PLXNA2: variants seen among roughly 807,000 people sequenced by gnomAD.
PLXNA2 encodes the protein plexin A2.
PLXNA2 carries 91 observed loss-of-function variants against 193.5 expected under a neutral mutation model. That is an observed-to-expected ratio of 0.47 (90% CI 0.40 to 0.56). The LOEUF is 0.56. Among genes scored for constraint, PLXNA2 ranks in the 20% least tolerant of loss-of-function variants. The pLI is 0.00. For synonymous variants in PLXNA2, 997 were observed against 1,027.3 expected (o/e 0.97, Z 0.56); for missense variants, 1,995 against 2,503.2 (o/e 0.80, Z 4.33).
chr1:208,063,298 T>G (rs1665675905), intron 12 of PLXNA2, among the ~76,000 whole-genome samples: 1 of 152,226 alleles, frequency 6.6e-6, no homozygotes, highest in South Asian at 2.1e-4. Context: ...ACGGGGTAGC[T>G]TCCTCCTGCT....
chr1:208,156,352 A>G (rs1668942042), intron 3 of PLXNA2, among the ~76,000 whole-genome samples: 1 of 152,160 alleles, frequency 6.6e-6, no homozygotes, highest in African/African-American at 2.4e-5. Context: ...CCTATTTAAC[A>G]ATCCTAGAAT....
chr1:208,190,333 T>G (rs765920475), intron 3 of PLXNA2, among the ~76,000 whole-genome samples: 10 of 152,366 alleles, frequency 6.6e-5, no homozygotes, highest in Non-Finnish European at 1.5e-4. Context: ...TCAAATCCAC[T>G]ACCCACTGAG....
chr1:208,138,736 T>A (rs1038118637), intron 4 of PLXNA2, among the ~76,000 whole-genome samples: 2 of 152,096 alleles, frequency 1.3e-5, no homozygotes, highest in Non-Finnish European at 2.9e-5. Flanking sequence ...ATAAAAAAAA[T>A]TTTAAATTGC....
At chr1:208,054,343 G>T in intron 14 of PLXNA2, 78 bp downstream of exon 14, 2 of 955,656 alleles carry the variant, frequency 2.1e-6, no homozygotes, top group South Asian at 1.4e-5. Flanking sequence ...GAGGGGAGTG[G>T]GGGCTTCCTG....
At position 208,098,968 on chromosome 1, in the gene PLXNA2, A is replaced by G. The variant is rs200698765; in HGVS notation, c.1609T>C (p.Cys537Arg). ...TGTTGGCATTTGTCCCTGCGGGAGC[A>G]CCTGCCATAAACACAGATTCACAAG... is the stretch of plus-strand genomic sequence containing the variant. ...HCGWCALHNM[C>R]SRRDKCQQAW... The change falls in exon 6 of 32, where the codon TGC (cysteine) becomes CGC (arginine). Residue 537 changes from cysteine to arginine, a missense_variant and splice_region_variant. Cys to Arg is a radical substitution (Grantham distance 180, BLOSUM62 -3). This residue lies in a region of PLXNA2 where 702 missense variants were observed against 812.9 expected (regional missense o/e 0.86). Coordinates refer to ENST00000367033, the MANE Select transcript of PLXNA2 (RefSeq NM_025179.4). The G allele has an allele frequency of 1.3e-6, 2 of 1,572,586 alleles. No individual in the cohort carries two copies.
At chr1:208,201,078 A>G (rs905629842) in intron 3 of PLXNA2, among the ~76,000 whole-genome samples, 2 of 152,266 alleles carry the variant, frequency 1.3e-5, no homozygotes, top group African/African-American at 4.8e-5. Flanking sequence ...AATGACTGCC[A>G]TTTATTAAGC....
At chr1:208,209,534 C>A (rs1007298458) in intron 3 of PLXNA2, among the ~76,000 whole-genome samples, 3 of 152,154 alleles carry the variant, frequency 2.0e-5, no homozygotes, top group Non-Finnish European at 4.4e-5. Context: ...GATTGTGCGC[C>A]CTCTCTGCAC....
Position 208,044,915 on chromosome 1 carries a change from C to G in PLXNA2, c.3639+152G>C. ...ATCTGCCTTTCTTTTCTTGTGTTCT[C>G]AGCTTATACCCAATTTGATGTAGGA... is the stretch of plus-strand genomic sequence containing the variant. On this transcript the variant is annotated intron_variant, in intron 19 of 31. Coordinates refer to ENST00000367033, the MANE Select transcript of PLXNA2 (RefSeq NM_025179.4). The surrounding 1 kb of genome is among the most constrained non-coding windows in gnomAD (Gnocchi z 4.9). 1 of 1,089,118 alleles carries G rather than the reference C, an allele frequency of 9.2e-7. No individual in the cohort carries two copies. 67.5% of individuals were successfully genotyped at this position (1,089,118 alleles called of 1,614,324 possible). A position where few individuals can be genotyped will look rare whatever the true frequency, so the allele number is the denominator to read the frequency against.
At chr1:208,105,843 C>T (rs773569681) in intron 4 of PLXNA2, among the ~76,000 whole-genome samples, 8 of 152,280 alleles carry the variant, frequency 5.3e-5, no homozygotes, top group Non-Finnish European at 1.2e-4. Context: ...GGGATGTCTG[C>T]ATCTGGCTGC....
intron 3 of PLXNA2, among the ~76,000 whole-genome samples, chr1:208,178,605 A>G (rs553522948): frequency 3.3e-5 from 5 of 152,280 alleles, no homozygotes; most frequent in African/African-American, 9.6e-5. Flanking sequence ...CCCATCTCAC[A>G]CTGCACCTGG....
chr1:208,236,681 TGGGGTTA>T lies in PLXNA2; in HGVS notation c.-81+6955_-81+6961del, dbSNP rs1278977647. 6.6e-6 allele frequency among the ~76,000 whole-genome samples: 1 copy of T among 152,220 alleles called. No homozygotes were observed. Among genetic ancestry groups the T allele is most frequent in the East Asian group, 1.9e-4 (1 of 5,200 alleles). ...AGTTGTCTACCACTCTCAGAAGCACTGGGGTTACAGCTCCTCATCCAAAGCCCTGTTC... is the reference window on the plus strand; with the variant it reads ...AGTTGTCTACCACTCTCAGAAGCACTCAGCTCCTCATCCAAAGCCCTGTTC... On this transcript the variant is annotated intron_variant, in intron 1 of 31. Transcript: ENST00000367033. The surrounding 1 kb of genome is among the most constrained non-coding windows in gnomAD (Gnocchi z 4.4).
At chr1:208,099,443 T>C (rs1216169398) in intron 5 of PLXNA2, among the ~76,000 whole-genome samples, 1 of 152,178 alleles carries the variant, frequency 6.6e-6, no homozygotes, top group Non-Finnish European at 1.5e-5. Flanking sequence ...GAAGTAAAGT[T>C]ACAAAGTCAT....
At chr1:208,181,803 G>T (rs2102548259) in intron 3 of PLXNA2, among the ~76,000 whole-genome samples, 1 of 152,338 alleles carries the variant, frequency 6.6e-6, no homozygotes, top group East Asian at 1.9e-4. Flanking sequence ...AGCGATAGGA[G>T]GAGAAGCTGT....
intron 4 of PLXNA2, among the ~76,000 whole-genome samples, chr1:208,113,233 C>A (rs1667541460): frequency 6.6e-6 from 1 of 152,122 alleles, no homozygotes; most frequent in Non-Finnish European, 1.5e-5. Context: ...CTGCCCTACC[C>A]CAGGAGGGGG....
chr1:208,029,368 A>G (rs1558153124), intron 29 of PLXNA2: 17 of 1,124,790 alleles, frequency 1.5e-5, no homozygotes, highest in Non-Finnish European at 1.9e-5. Context: ...AACAGAGGAC[A>G]GCACATTTTC....
chr1:208,179,746 C>CTTCA (rs1669776823), intron 3 of PLXNA2, among the ~76,000 whole-genome samples: 1 of 152,148 alleles, frequency 6.6e-6, no homozygotes, highest in Non-Finnish European at 1.5e-5. Flanking sequence ...ATACCTTGAG[C>CTTCA]TGAAGCCTCC....
chr1:208,130,432 G>C (rs1227273983), intron 4 of PLXNA2, among the ~76,000 whole-genome samples: 1 of 152,028 alleles, frequency 6.6e-6, no homozygotes, highest in Non-Finnish European at 1.5e-5. Context: ...GAACACACAG[G>C]AACGTTTGCT....
intron 29 of PLXNA2, 126 bp downstream of exon 29, chr1:208,031,464 G>T: frequency 7.3e-7 from 1 of 1,361,606 alleles, no homozygotes; most frequent in Non-Finnish European, 1.0e-6. Context: ...TGTTCCAGGA[G>T]CTTTGGATCA....
chr1:208,116,825 C>T (rs1285039231), intron 4 of PLXNA2, among the ~76,000 whole-genome samples: 1 of 152,198 alleles, frequency 6.6e-6, no homozygotes, highest in Non-Finnish European at 1.5e-5. Flanking sequence ...GATTCAGGTT[C>T]ATGATTCTTC....
Sources: gnomAD v4.1 joint callset for allele counts (sites outside exome capture counted in the v4.1 genomes callset) on GRCh38, gnomAD v4.1.1 for gene constraint, gnomAD v4.1.1 regional missense constraint, Gnocchi (gnomAD v3.1) non-coding constraint, MANE v1.5 for transcripts, NCBI Gene and HGNC (gene_info 2026-07-23, HGNC 2026-07-21) for gene names.